The following GABPB2 variants were observed in gnomAD, a reference collection of about 807,000 sequenced individuals.
GABPB2 encodes GA binding protein transcription factor subunit beta 2.
In GABPB2, 23 loss-of-function variants were observed where a neutral mutation model predicts 39.1. The ratio of observed to expected loss-of-function variants is 0.59; its 90% CI spans 0.42 to 0.83. The LOEUF is 0.83. Among genes scored for constraint, GABPB2 ranks in the 40% least tolerant of loss-of-function variants. The pLI, the probability that GABPB2 is intolerant of heterozygous loss-of-function variation, is 0.00. For synonymous variants in GABPB2, 184 were observed against 199.3 expected (o/e 0.92, Z 0.65); for missense variants, 467 against 541.1 (o/e 0.86, Z 1.36).
intron 2 of GABPB2, 66 bp downstream of exon 2, chr1:151,088,363 G>C (rs1678381596): frequency 7.1e-7 from 1 of 1,401,998 alleles, no homozygotes; most frequent in Admixed American, 2.0e-5. Context: ...TTTTCTTAAA[G>C]GCTAACAGAC....
chr1:151,107,085 A>G lies in GABPB2; in HGVS notation c.785A>G (p.Gln262Arg), dbSNP rs1266616838. The part of the protein sequence containing the change: ...IEGNSVDSSI[Q>R]QVMGSGGQRV... ...GGAAATTCCGTTGACTCATCAATCCAGCAAGTAATGGGGAGTGGAGGCCAG... is the reference window on the plus strand; with the variant it reads ...GGAAATTCCGTTGACTCATCAATCCGGCAAGTAATGGGGAGTGGAGGCCAG... The change falls in exon 7 of 9, where the codon CAG (glutamine) becomes CGG (arginine). Residue 262 changes from glutamine to arginine, a missense_variant. Gln to Arg is a conservative substitution (Grantham distance 43). Coordinates refer to ENST00000368918, the MANE Select transcript of GABPB2 (RefSeq NM_144618.3). The G allele has an allele frequency of 1.9e-6, 3 of 1,612,804 alleles. No homozygotes were observed. The South Asian group carries it at 3.3e-5, about 18-fold the overall frequency.
chr1:151,093,420 T>A, intron 4 of GABPB2, 34 bp downstream of exon 4: 1 of 1,474,250 alleles, frequency 6.8e-7, no homozygotes, highest in Non-Finnish European at 9.0e-7. Context: ...AGAATGTATG[T>A]TAATTGAAGT....
At chr1:151,111,407 A>C (rs1241196650) in intron 7 of GABPB2, among the ~76,000 whole-genome samples, 7 of 126,872 alleles carry the variant, frequency 5.5e-5, no homozygotes, top group Non-Finnish European at 8.1e-5. Flanking sequence ...ACCGCCCCCC[A>C]CTAATTTTTT....
At chr1:151,074,874 T>A (rs1031303075) in intron 1 of GABPB2, among the ~76,000 whole-genome samples, 5 of 152,092 alleles carry the variant, frequency 3.3e-5, no homozygotes, top group Non-Finnish European at 5.9e-5. Flanking sequence ...CTTAACTGAC[T>A]GGGCACAGTG....
chr1:151,080,764 A>T (rs587752329), intron 1 of GABPB2, among the ~76,000 whole-genome samples: 31 of 148,326 alleles, frequency 2.1e-4, no homozygotes, highest in African/African-American at 7.6e-4. Context: ...CACAAGAATC[A>T]CTTGAACCCA....
At chr1:151,083,655 T>TA (rs368501073) in intron 1 of GABPB2, among the ~76,000 whole-genome samples, 16 of 145,624 alleles carry the variant, frequency 1.1e-4, no homozygotes, top group African/African-American at 4.0e-4. Flanking sequence ...AAAAAAAAAA[T>TA]TATATATATA....
At chr1:151,101,993 A>G (rs587768741) in intron 5 of GABPB2, among the ~76,000 whole-genome samples, 2 of 152,354 alleles carry the variant, frequency 1.3e-5, no homozygotes, top group Non-Finnish European at 2.9e-5. Context: ...GCACACAGAT[A>G]TAAGAGAAGA....
At chr1:151,108,917 A>G (rs1020394279) in intron 7 of GABPB2, among the ~76,000 whole-genome samples, 2 of 152,164 alleles carry the variant, frequency 1.3e-5, no homozygotes, top group African/African-American at 2.4e-5. Flanking sequence ...AATGGCTTAC[A>G]TATGTAATCC....
At chr1:151,110,210 G>C (rs1332012960) in intron 7 of GABPB2, among the ~76,000 whole-genome samples, 1 of 150,850 alleles carries the variant, frequency 6.6e-6, no homozygotes, top group East Asian at 1.9e-4. Flanking sequence ...GCCCGTGTTG[G>C]GATTTATAAT....
chr1:151,115,295 T>G (rs1009284809), intron 7 of GABPB2, among the ~76,000 whole-genome samples: 1 of 150,930 alleles, frequency 6.6e-6, no homozygotes, highest in African/African-American at 2.4e-5. Context: ...GGGGCAGAGG[T>G]TGCGGTGAGC....
chr1:151,106,617 C>T (rs905932089), intron 6 of GABPB2, among the ~76,000 whole-genome samples: 3 of 152,296 alleles, frequency 2.0e-5, no homozygotes, highest in Middle Eastern at 3.4e-3. Flanking sequence ...AGATTACAGG[C>T]GTGAGCCACT....
chr1:151,089,949 T>TC (rs1488041968), intron 2 of GABPB2, among the ~76,000 whole-genome samples: 1 of 151,850 alleles, frequency 6.6e-6, no homozygotes, highest in South Asian at 2.1e-4. Context: ...AATTTTTTTT[T>TC]TTTTTTGAGA....
chr1:151,080,511 C>CTAAATAAATAAATAAA (rs34274763), intron 1 of GABPB2, among the ~76,000 whole-genome samples: 2 of 143,740 alleles, frequency 1.4e-5, no homozygotes, highest in African/African-American at 5.3e-5. Flanking sequence ...AACTCCATCT[C>CTAAATAAATAAATAAA]TAAATAAATA....
At chr1:151,078,421 G>A (rs1677373154) in intron 1 of GABPB2, among the ~76,000 whole-genome samples, 1 of 151,848 alleles carries the variant, frequency 6.6e-6, no homozygotes, top group Non-Finnish European at 1.5e-5. Context: ...GTGAAACCGT[G>A]CTTCTACTAA....
intron 5 of GABPB2, among the ~76,000 whole-genome samples, chr1:151,100,854 C>T (rs891931725): frequency 5.4e-4 from 81 of 149,086 alleles, no homozygotes; most frequent in African/African-American, 1.9e-3. Context: ...TCCCAAAGTG[C>T]TGGGATTACA....
chr1:151,088,467 T>G lies in GABPB2; in HGVS notation c.108+170T>G, dbSNP rs1265482990. ...TGAATATGTGGTTTTCTTTTTCTTT[T>G]AGTTTTCCAAATTGAGAGTCTCCTG... On this transcript the variant is annotated intron_variant, in intron 2 of 8. Transcript: ENST00000368918. 2.9e-6 allele frequency: 4 copies of G among 1,368,760 alleles called. No individual in the cohort carries two copies. The East Asian group carries it at 1.0e-4, about 36-fold the overall frequency. The allele number at this position is 1,368,760 out of a possible 1,614,324, so 84.8% of individuals were successfully genotyped here.
rs587694058 is a variant in GABPB2, at chr1:151,092,227, C to T, written c.277-965C>T. 1.5e-4 allele frequency among the ~76,000 whole-genome samples: 22 copies of T among 151,482 alleles called. 1 individual carries two copies. Among genetic ancestry groups the T allele is most frequent in the Admixed American group, 1.5e-3 (22 of 15,154 alleles). ...GTTCAAGCGATTCTCCTGCCTCAGC[C>T]TCCGGAGTAGCTGGGACTACAGGCG... is the stretch of plus-strand genomic sequence containing the variant. On this transcript the variant is annotated intron_variant, in intron 3 of 8. Transcript: ENST00000368918.
In GABPB2 at chr1:151,117,512, G is replaced by A. The variant is rs762030686; in HGVS notation, c.1043G>A (p.Ser348Asn). Residue 348 changes from serine to asparagine, a missense_variant, in exon 8 of 9, where the codon AGC becomes AAC. Ser to Asn is a conservative substitution (Grantham distance 46). Coordinates refer to ENST00000368918, the MANE Select transcript of GABPB2 (RefSeq NM_144618.3). ...GAGAAGACAAACAGTGTGGAGGAAA[G>A]CAAGGTAATGTTTTTAGGAGTGATG... Reference protein sequence around the residue: ...IGEKTNSVEESKEGNERELLQ... With the variant: ...IGEKTNSVEENKEGNERELLQ... The A allele has an allele frequency of 3.8e-5, 61 of 1,613,590 alleles. 1 individual carries two copies. In the South Asian group the frequency reaches 4.1e-4, roughly 11 times the overall value.
rs768333324 is a variant in GABPB2 at position 151,079,939 on chromosome 1, G to A, written c.1-8251G>A. Among the ~76,000 whole-genome samples the A allele has an allele frequency of 4.6e-5, 7 of 151,490 alleles. No individual in the cohort carries two copies. The East Asian group carries it at 9.7e-4, about 21-fold the overall frequency. ...ACAATAATAATAATAAAACATTGCC[G>A]GGCACAGTGGCTCATGCCTGTAATC... is the stretch of plus-strand genomic sequence containing the variant. On this transcript the variant is annotated intron_variant, in intron 1 of 8. Transcript: ENST00000368918.
Sources: gnomAD v4.1 joint callset for allele counts (sites outside exome capture counted in the v4.1 genomes callset) on GRCh38, gnomAD v4.1.1 for gene constraint, MANE v1.5 for transcripts, NCBI Gene and HGNC (gene_info 2026-07-23, HGNC 2026-07-21) for gene names.